The following SOX5 variants were observed in gnomAD, a reference collection of about 807,000 sequenced individuals.
The protein encoded by SOX5 is SRY-box transcription factor 5.
Under a neutral mutation model 92.0 loss-of-function variants are expected in SOX5, and 9 were observed. That is an observed-to-expected ratio of 0.10 (90% CI 0.06 to 0.17). The LOEUF is 0.17. Among genes scored for constraint, SOX5 ranks in the 10% least tolerant of loss-of-function variants. SOX5 has a pLI of 1.00. For synonymous variants in SOX5, 344 were observed against 336.3 expected (o/e 1.02, Z -0.25); for missense variants, 642 against 944.5 (o/e 0.68, Z 4.20).
In SOX5 at chr12:23,549,654, A is replaced by G. The variant is rs888161970; in HGVS notation, c.1489-3230T>C. Among the ~76,000 whole-genome samples the G allele has an allele frequency of 1.2e-4, 18 of 152,106 alleles. 1 individual carries two copies. The highest frequency in any genetic ancestry group is 4.6e-4 in the Admixed American group (7 of 15,240). ...GAGATTAATTACAACAAAGTAGTCA[A>G]CATGTAAAAGTCCTGGGGTATGGGC... On this transcript the variant is annotated intron_variant, in intron 11 of 14. Coordinates refer to ENST00000451604, the MANE Select transcript of SOX5 (RefSeq NM_006940.6).
At chr12:23,571,120 G>A (rs1238208734) in intron 10 of SOX5, among the ~76,000 whole-genome samples, 1 of 148,492 alleles carries the variant, frequency 6.7e-6, no homozygotes, top group Non-Finnish European at 1.5e-5. Flanking sequence ...CCACACTCCA[G>A]CCGGGACAAC....
intron 6 of SOX5, among the ~76,000 whole-genome samples, chr12:23,708,182 A>ATTTTTTTTTT (rs34102978): frequency 6.8e-6 from 1 of 146,146 alleles, no homozygotes. Flanking sequence ...TCTGGGAACT[A>ATTTTTTTTTT]TTTTTTTTTT....
Position 23,792,622 on chromosome 12 carries a change from CAAAAAAAAAAAAAAAAAAAAAA to C in SOX5, c.482-36920_482-36899del, listed in dbSNP as rs749845598. Among the ~76,000 whole-genome samples the C allele has an allele frequency of 5.3e-3, 205 of 38,970 alleles. 1 individual carries two copies. The highest frequency in any genetic ancestry group is 0.031 in the African/African-American group (195 of 6,340). The allele number at this position is 38,970 out of a possible 152,430, so 25.6% of individuals were successfully genotyped here. ...TGGGCAATAGAGTGAGGCTCTGTCTCAAAAAAAAAAAAAAAAAAAAAAAAAAAAAAAAAAAAAAAACTTGGAC... is the reference window on the plus strand; with the variant it reads ...TGGGCAATAGAGTGAGGCTCTGTCTCAAAAAAAAAAAAAAAAAACTTGGAC... On this transcript the variant is annotated intron_variant, in intron 3 of 14. Coordinates refer to ENST00000451604, the MANE Select transcript of SOX5 (RefSeq NM_006940.6).
chr12:23,545,818 C>T (rs1251419341), intron 12 of SOX5, among the ~76,000 whole-genome samples: 9 of 151,626 alleles, frequency 5.9e-5, no homozygotes, highest in Admixed American at 2.0e-4. Flanking sequence ...GGGAGGATCA[C>T]TTGAGCCCAG....
intron 1 of SOX5, among the ~76,000 whole-genome samples, chr12:24,372,748 A>C (rs1956864358): frequency 6.6e-6 from 1 of 152,180 alleles, no homozygotes; most frequent in African/African-American, 2.4e-5. Context: ...TCCCACCAAC[A>C]ATGTAAAAGC....
At chr12:23,972,555 T>C (rs1019127346) in intron 4 of SOX5, among the ~76,000 whole-genome samples, 1 of 152,036 alleles carries the variant, frequency 6.6e-6, no homozygotes, top group Non-Finnish European at 1.5e-5. Context: ...GACAGGGTTT[T>C]TTTATGTTGG....
chr12:23,790,847 C>T (rs1304316253), intron 3 of SOX5, among the ~76,000 whole-genome samples: 1 of 152,054 alleles, frequency 6.6e-6, no homozygotes, highest in Non-Finnish European at 1.5e-5. Context: ...TCTATGCATG[C>T]AATCTCATTT....
At chr12:24,312,495 T>C (rs1244070197) in intron 2 of SOX5, among the ~76,000 whole-genome samples, 1 of 152,188 alleles carries the variant, frequency 6.6e-6, no homozygotes, top group African/African-American at 2.4e-5. Context: ...TACTCACTTC[T>C]GTATCACCAA....
intron 4 of SOX5, among the ~76,000 whole-genome samples, chr12:24,198,669 C>T (rs1957236252): frequency 6.6e-6 from 1 of 152,138 alleles, no homozygotes; most frequent in South Asian, 2.1e-4. Context: ...CAAAACAAAA[C>T]TCCTGTGCTT....
At chr12:24,269,536 A>G (rs1471342943) in intron 3 of SOX5, among the ~76,000 whole-genome samples, 1 of 152,146 alleles carries the variant, frequency 6.6e-6, no homozygotes, top group Non-Finnish European at 1.5e-5. Context: ...TTTTGTGACT[A>G]TTATTGATTT....
chr12:24,158,709 T>C (rs893969232), intron 4 of SOX5, among the ~76,000 whole-genome samples: 3 of 151,908 alleles, frequency 2.0e-5, no homozygotes, highest in Non-Finnish European at 4.4e-5. Context: ...GAGATACACC[T>C]CAAAAAGCAA....
At chr12:24,068,360 G>T (rs1410519778) in intron 4 of SOX5, among the ~76,000 whole-genome samples, 3 of 151,764 alleles carry the variant, frequency 2.0e-5, no homozygotes, top group African/African-American at 4.8e-5. Flanking sequence ...TGAAACCTTT[G>T]GTTTTAATAT....
At chr12:24,086,648 A>G (rs1205014458) in intron 4 of SOX5, among the ~76,000 whole-genome samples, 2 of 152,004 alleles carry the variant, frequency 1.3e-5, no homozygotes, top group Non-Finnish European at 2.9e-5. Context: ...TTTGTACTAT[A>G]TTATTACTTA....
chr12:24,228,042 G>T (rs1266058494), intron 3 of SOX5, among the ~76,000 whole-genome samples: 1 of 152,140 alleles, frequency 6.6e-6, no homozygotes, highest in Non-Finnish European at 1.5e-5. Context: ...AACCGAATGG[G>T]TGCAGATGTC....
At chr12:24,008,019 G>T (rs1952508454) in intron 4 of SOX5, among the ~76,000 whole-genome samples, 1 of 151,706 alleles carries the variant, frequency 6.6e-6, no homozygotes, top group Non-Finnish European at 1.5e-5. Context: ...GTATTTTAAA[G>T]TATAGCTGCC....
At chr12:24,550,214 T>A (rs1342131438) in intron 1 of SOX5, among the ~76,000 whole-genome samples, 2 of 152,062 alleles carry the variant, frequency 1.3e-5, no homozygotes, top group African/African-American at 4.8e-5. Context: ...AACAATAACA[T>A]CAATCAACAT....
intron 4 of SOX5, among the ~76,000 whole-genome samples, chr12:24,128,156 G>T (rs1747734568): frequency 6.6e-6 from 1 of 152,120 alleles, no homozygotes; most frequent in South Asian, 2.1e-4. Context: ...TGCTGCTATT[G>T]TGGGTTTTGC....
At chr12:23,990,516 T>C (rs1950470247) in intron 4 of SOX5, among the ~76,000 whole-genome samples, 1 of 152,158 alleles carries the variant, frequency 6.6e-6, no homozygotes, top group Non-Finnish European at 1.5e-5. Flanking sequence ...TTAACTACGA[T>C]GTATTTTGAA....
At chr12:23,654,333 C>T (rs150426567) in intron 7 of SOX5, among the ~76,000 whole-genome samples, 2,206 of 152,110 alleles carry the variant, frequency 0.015, 42 homozygotes, top group African/African-American at 0.049. Context: ...TTCTTATCCT[C>T]TTAGGTATGA....
Sources: gnomAD v4.1 joint callset for allele counts (sites outside exome capture counted in the v4.1 genomes callset) on GRCh38, gnomAD v4.1.1 for gene constraint, MANE v1.5 for transcripts, NCBI Gene and HGNC (gene_info 2026-07-23, HGNC 2026-07-21) for gene names.